Variants in CELF2 observed in about 807,000 individuals in gnomAD.
CELF2 encodes the protein CUGBP Elav-like family member 2.
Under a neutral mutation model 62.6 loss-of-function variants are expected in CELF2, and 8 were observed. The ratio of observed to expected loss-of-function variants is 0.13; its 90% CI spans 0.07 to 0.23. The LOEUF is 0.23. CELF2 is among the 10% of genes least tolerant of loss of function. The probability of loss-of-function intolerance (pLI) is 1.00; values close to 1 mark genes in which losing one functional copy is unlikely to be tolerated. For missense variants in CELF2, 333 were observed against 671.0 expected (o/e 0.50, Z 5.56); for synonymous variants, 258 against 250.0 (o/e 1.03, Z -0.30).
intron 1 of CELF2, among the ~76,000 whole-genome samples, chr10:10,882,508 G>A (rs1039740348): frequency 6.6e-6 from 1 of 152,194 alleles, no homozygotes; most frequent in Non-Finnish European, 1.5e-5. Context: ...TCATAGCTAC[G>A]AAAATGTGTC....
Position 10,995,320 on chromosome 10 carries a change from G to A in CELF2, c.89+75321G>A, listed in dbSNP as rs555841765. On this transcript the variant is annotated intron_variant, in intron 2 of 13. Coordinates refer to the CELF2 transcript ENST00000636488. The surrounding 1 kb of genome is among the most constrained non-coding windows in gnomAD (Gnocchi z 4.7). ...ACATCTTTGTATCTCCTTTTCTCCT[G>A]AGATGATGTCATCGAATTAATCATA... Among the ~76,000 whole-genome samples the A allele has an allele frequency of 2.1e-4, 32 of 152,174 alleles. No individual in the cohort carries two copies. The South Asian group carries it at 6.7e-3, about 32-fold the overall frequency.
chr10:11,294,352 T>C (rs78146888), intron 9 of CELF2, among the ~76,000 whole-genome samples: 4,386 of 152,222 alleles, frequency 0.029, 223 homozygotes, highest in African/African-American at 0.1. Flanking sequence ...CAAGGTCCCA[T>C]TTTGCTTTTT....
At chr10:11,288,890 C>T (rs977172885) in intron 9 of CELF2, among the ~76,000 whole-genome samples, 14 of 152,278 alleles carry the variant, frequency 9.2e-5, no homozygotes, top group African/African-American at 3.1e-4. Flanking sequence ...CTTTCTTTGT[C>T]CTGCCCTTTT....
the CELF2 span, among the ~76,000 whole-genome samples, chr10:10,491,915 A>C: frequency 1.3e-5 from 2 of 151,978 alleles, no homozygotes; most frequent in African/African-American, 4.8e-5. Context: ...TATACATGAG[A>C]TCCTTTTTTG....
chr10:10,626,578 AT>A, the CELF2 span, among the ~76,000 whole-genome samples: 1 of 152,038 alleles, frequency 6.6e-6, no homozygotes, highest in Non-Finnish European at 1.5e-5. Context: ...TCTTTTTGCT[AT>A]AGATTTTTAT....
chr10:10,951,672 G>A (rs1564250272), intron 2 of CELF2: 1 of 152,210 alleles, frequency 6.6e-6, no homozygotes, highest in Non-Finnish European at 1.5e-5. Flanking sequence ...CCCCATCAGA[G>A]CCAGCCCTTG....
rs2096003897 is a variant in CELF2 at position 11,331,048 on chromosome 10, C to A, written c.*1995C>A. The A allele has an allele frequency of 6.6e-6, 1 of 152,408 alleles. No individual in the cohort carries two copies. The highest frequency in any genetic ancestry group is 1.5e-5 in the Non-Finnish European group (1 of 68,010). 9.4% of individuals were successfully genotyped at this position (152,408 alleles called of 1,614,324 possible). On this transcript the variant is annotated 3_prime_UTR_variant, in exon 13 of 13. Coordinates refer to ENST00000633077, the MANE Select transcript of CELF2 (RefSeq NM_001326342.2). ...TAGATTAGTATAAGAAAAATATTTACCCTGTTTTGGGGCAAATGCTACCTA... is the reference window on the plus strand; with the variant it reads ...TAGATTAGTATAAGAAAAATATTTAACCTGTTTTGGGGCAAATGCTACCTA...
the CELF2 span, among the ~76,000 whole-genome samples, chr10:10,710,454 T>C: frequency 6.6e-6 from 1 of 152,328 alleles, no homozygotes; most frequent in South Asian, 2.1e-4. Flanking sequence ...GCATCACTTA[T>C]TCAAGAAACA....
intron 2 of CELF2, among the ~76,000 whole-genome samples, chr10:11,190,606 A>G (rs528226429): frequency 6.6e-6 from 1 of 151,380 alleles, no homozygotes; most frequent in Non-Finnish European, 1.5e-5. Context: ...TCTCAAAGGA[A>G]TTGTTCTTTT....
intron 2 of CELF2, among the ~76,000 whole-genome samples, chr10:10,996,025 A>G (rs1261832610): frequency 1.3e-5 from 2 of 152,208 alleles, no homozygotes; most frequent in African/African-American, 2.4e-5. Context: ...TAAGTATATC[A>G]TATTTTTTAC....
At chr10:10,962,094 G>A (rs908820200) in intron 2 of CELF2, among the ~76,000 whole-genome samples, 7 of 151,870 alleles carry the variant, frequency 4.6e-5, no homozygotes, top group Non-Finnish European at 1.0e-4. Flanking sequence ...AGGGAGGGAG[G>A]GAGGAGGGAG....
intron 2 of CELF2, among the ~76,000 whole-genome samples, chr10:11,180,489 C>A (rs918057634): frequency 6.6e-6 from 1 of 152,142 alleles, no homozygotes; most frequent in Non-Finnish European, 1.5e-5. Flanking sequence ...TCGGTAAAAC[C>A]GACACCGTAC....
At chr10:10,797,164 TC>T (rs1406229549), upstream of CELF2, among the ~76,000 whole-genome samples, 2 of 152,146 alleles carry the variant, frequency 1.3e-5, no homozygotes, top group East Asian at 3.9e-4. Flanking sequence ...GGGAGCATCT[TC>T]CCCCCAGGAA....
the CELF2 span, among the ~76,000 whole-genome samples, chr10:10,650,754 T>C: frequency 2.0e-5 from 3 of 152,322 alleles, no homozygotes; most frequent in East Asian, 5.8e-4. Context: ...TGCAACCACT[T>C]TGGAAAAAGT....
the CELF2 span, among the ~76,000 whole-genome samples, chr10:10,729,971 T>A: frequency 2.0e-5 from 3 of 152,202 alleles, no homozygotes; most frequent in East Asian, 5.8e-4. Flanking sequence ...CAGGAATAAC[T>A]GGTGAAGTAG....
chr10:11,040,063 A>G (rs1189107379), intron 1 of CELF2, among the ~76,000 whole-genome samples: 1 of 152,216 alleles, frequency 6.6e-6, no homozygotes, highest in Non-Finnish European at 1.5e-5. Flanking sequence ...AAATTTTGAA[A>G]AACTTTAAAA....
intron 1 of CELF2, among the ~76,000 whole-genome samples, chr10:11,045,404 T>C (rs1368188769): frequency 6.6e-6 from 1 of 152,192 alleles, no homozygotes; most frequent in African/African-American, 2.4e-5. Flanking sequence ...CCCCCAGCCA[T>C]TAACTTTATA....
chr10:11,143,171 T>C (rs924724427), intron 1 of CELF2, among the ~76,000 whole-genome samples: 1 of 152,252 alleles, frequency 6.6e-6, no homozygotes, highest in Non-Finnish European at 1.5e-5. Context: ...TAATGGACAC[T>C]TTTCCATTCC....
the CELF2 span, among the ~76,000 whole-genome samples, chr10:10,560,322 G>A: frequency 1.3e-5 from 2 of 152,216 alleles, no homozygotes; most frequent in African/African-American, 4.8e-5. Flanking sequence ...AATGTAGAAT[G>A]TAAGTTTTCA....
Sources: gnomAD v4.1 joint callset for allele counts (sites outside exome capture counted in the v4.1 genomes callset) on GRCh38, gnomAD v4.1.1 for gene constraint, Gnocchi (gnomAD v3.1) non-coding constraint, MANE v1.5 for transcripts, NCBI Gene and HGNC (gene_info 2026-07-23, HGNC 2026-07-21) for gene names.